GCN1: variants seen among roughly 807,000 people sequenced by gnomAD.
The protein encoded by GCN1 is GCN1 activator of EIF2AK4.
GCN1 carries 90 observed loss-of-function variants against 288.4 expected under a neutral mutation model. The ratio of observed to expected loss-of-function variants is 0.31; its 90% CI spans 0.26 to 0.37. GCN1 has a LOEUF of 0.37. Ranked by LOEUF, GCN1 falls within the 10% of genes least tolerant of loss-of-function variation. The pLI, the probability that GCN1 is intolerant of heterozygous loss-of-function variation, is 1.00. For synonymous variants in GCN1, 1,386 were observed against 1,420.2 expected, an observed-to-expected ratio of 0.98 and a Z score of 0.54; for missense variants, 2,586 against 3,419.9, an observed-to-expected ratio of 0.76 and a Z score of 6.08.
At chr12:120,159,753 CAG>C (rs1877867242) in intron 24 of GCN1, 70 bp downstream of exon 24, 11 of 1,355,398 alleles carry the variant, frequency 8.1e-6, no homozygotes, top group East Asian at 2.3e-5. Context: ...CACAAGCACT[CAG>C]GGGCACACCC....
rs765163484 is a variant in GCN1 at position 120,138,856 on chromosome 12, C to T, written c.5995G>A (p.Val1999Met). 6.8e-6 allele frequency: 11 copies of T among 1,606,518 alleles called. No individual in the cohort carries two copies. In the African/African-American group the frequency reaches 1.2e-4, roughly 18 times the overall value. ...ACGAGGGATTCAGAGAAATACAGCA[C>T]CTGCAATGGCAAGCTACAACTGTAC... ...EIMKSTSRDAVLYFSESLVPT... is the reference protein window; with the variant it reads ...EIMKSTSRDAMLYFSESLVPT... The change falls in exon 46 of 58, where the codon GTG becomes ATG. Residue 1999 changes from valine to methionine, a missense_variant and splice_region_variant. Around this residue, in one of 8 missense-constraint regions of GCN1, gnomAD observed 437 missense variants for 570.5 expected, o/e 0.77. Transcript: ENST00000300648.
In GCN1 at chr12:120,158,020, G is replaced by A. The variant is rs1877806707; in HGVS notation, c.2916C>T (p.Pro972=). 3 of 1,613,856 alleles carry A rather than the reference G, an allele frequency of 1.9e-6. No individual in the cohort carries two copies. The highest frequency in any genetic ancestry group is 2.5e-6 in the Non-Finnish European group (3 of 1,180,016). The change falls in exon 26 of 58, where the codon CCC becomes CCT. Residue 972 remains proline (P), a synonymous_variant. Transcript: ENST00000300648. This position sits in a 1 kb window ranked among gnomAD's most constrained non-coding sequence, Gnocchi z 4.3. ...CTAAGGAGAAGGCTGGCGCGGACAA[G>A]GGCGCAGCACCTGTGAGAGCGAGAA... ...RVGKGEPGAA[P]LSAPAFSLVF...
At chr12:120,194,068 G>A (rs1237420956) in intron 1 of GCN1, among the ~76,000 whole-genome samples, 2 of 152,214 alleles carry the variant, frequency 1.3e-5, no homozygotes, top group Non-Finnish European at 2.9e-5. Context: ...CACTAACCCT[G>A]GATCTGATAA....
chr12:120,142,565 G>C lies in GCN1; in HGVS notation c.5771C>G (p.Pro1924Arg). 3 of 1,614,004 alleles carry C rather than the reference G, an allele frequency of 1.9e-6. No individual in the cohort carries two copies. The highest frequency in any genetic ancestry group is 2.5e-6 in the Non-Finnish European group (3 of 1,180,016). Residue 1924 changes from proline (P) to arginine (R), a missense_variant, in exon 44 of 58, where the codon CCC (proline) becomes CGC (arginine). By Grantham distance (103) the Pro-to-Arg change is moderately radical (BLOSUM62 -2). Transcript: ENST00000300648. The surrounding 1 kb of genome is among the most constrained non-coding windows in gnomAD (Gnocchi z 4.9). ...NTPRTLREIL[P>R]TLFGLLLGFL... ...ACCCAGCAGGAGCCCAAAGAGAGTGGGTAGGATCTCACGCAAGGTGCGGGG... is the reference window on the plus strand; with the variant it reads ...ACCCAGCAGGAGCCCAAAGAGAGTGCGTAGGATCTCACGCAAGGTGCGGGG...
At chr12:120,140,628 A>G (rs1877157387) in intron 45 of GCN1, among the ~76,000 whole-genome samples, 2 of 152,204 alleles carry the variant, frequency 1.3e-5, no homozygotes, top group African/African-American at 4.8e-5. Context: ...AAGGCCACTC[A>G]AGGAGGCATC....
Position 120,151,426 on chromosome 12 carries a change from C to T in GCN1, c.4063-35G>A, listed in dbSNP as rs151196103. ...GGCCCACCTGTCAATGCTGTGGCTC[C>T]GCTGCAGCCGTTTCATGGTTGGTGG... On this transcript the variant is annotated intron_variant, in intron 33 of 57. Transcript: ENST00000300648. 2,107 of 1,607,558 alleles carry T rather than the reference C, an allele frequency of 1.3e-3. 4 individuals are homozygous for T. The highest frequency in any genetic ancestry group is 0.012 in the African/African-American group (895 of 74,954).
chr12:120,179,092 A>T, intron 5 of GCN1, 142 bp from the exon 6 acceptor site: 1 of 664,414 alleles, frequency 1.5e-6, no homozygotes, highest in Non-Finnish European at 2.6e-6. Context: ...AACTCCAGCC[A>T]GCTCCTCTTC....
At chr12:120,175,270 G>A in intron 11 of GCN1, 58 bp from the exon 12 acceptor site, 2 of 1,415,702 alleles carry the variant, frequency 1.4e-6, no homozygotes, top group Non-Finnish European at 2.0e-6. Flanking sequence ...CCAAGAGAGT[G>A]AACAATGCAG....
intron 11 of GCN1, among the ~76,000 whole-genome samples, chr12:120,175,483 T>G (rs1440943738): frequency 4.6e-5 from 7 of 152,258 alleles, no homozygotes. Context: ...ACATTTCTTT[T>G]CTGGTGTATT....
intron 21 of GCN1, 56 bp downstream of exon 21, chr12:120,161,824 C>T (rs913511431): frequency 6.5e-7 from 1 of 1,548,584 alleles, no homozygotes; most frequent in African/African-American, 1.4e-5. Flanking sequence ...ATTCTACACA[C>T]AAGAAAACTA....
intron 8 of GCN1, 43 bp downstream of exon 8, chr12:120,177,641 T>C (rs775745403): frequency 7.7e-6 from 12 of 1,564,368 alleles, no homozygotes; most frequent in Non-Finnish European, 1.1e-5. Context: ...GAATTGAAAA[T>C]GGGATCAGTT....
At chr12:120,160,840 C>A (rs897467535) in intron 22 of GCN1, among the ~76,000 whole-genome samples, 1 of 152,182 alleles carries the variant, frequency 6.6e-6, no homozygotes. Flanking sequence ...AACAAGTCAA[C>A]AAGCACATAA....
Position 120,134,608 on chromosome 12 carries a change from G to A in GCN1, c.7127C>T (p.Ser2376Phe), listed in dbSNP as rs1484100426. The A allele has an allele frequency of 1.2e-6, 2 of 1,614,154 alleles. No homozygotes were observed. Among genetic ancestry groups the A allele is most frequent in the East Asian group, 2.2e-5 (1 of 44,884 alleles). Reference sequence around the variant, plus strand: ...GAGGGGGTCCACCTTAATGTGGATGGAAATGAGCTTCCCCAGAGCATCTGC... The same window carrying A: ...GAGGGGGTCCACCTTAATGTGGATGAAAATGAGCTTCCCCAGAGCATCTGC... ...KAADALGKLI[S>F]IHIKVDPLFT... The change falls in exon 52 of 58, where the codon TCC becomes TTC. Residue 2376 changes from serine to phenylalanine, a missense_variant. Around this residue, in one of 8 missense-constraint regions of GCN1, gnomAD observed 355 missense variants for 431.1 expected, o/e 0.82. Coordinates refer to ENST00000300648, the MANE Select transcript of GCN1 (RefSeq NM_006836.2). The surrounding 1 kb of genome is among the most constrained non-coding windows in gnomAD (Gnocchi z 5.0).
chr12:120,157,708 A>G, intron 26 of GCN1, 141 bp downstream of exon 26: 1 of 691,510 alleles, frequency 1.4e-6, no homozygotes, highest in South Asian at 2.3e-5. Context: ...AAAACCCACA[A>G]CACTGTGTGA....
At chr12:120,132,054 C>A in intron 53 of GCN1, 32 bp from the exon 54 acceptor site, 1 of 1,358,118 alleles carries the variant, frequency 7.4e-7, no homozygotes, top group Non-Finnish European at 1.0e-6. Flanking sequence ...TGAGGGGGTG[C>A]AGGGAACAAC....
chr12:120,164,791 G>A, intron 16 of GCN1, 70 bp from the exon 17 acceptor site: 2 of 893,188 alleles, frequency 2.2e-6, no homozygotes, highest in East Asian at 2.6e-5. Context: ...CCAATACCCA[G>A]AAATAACTGG....
At chr12:120,152,576 C>A (rs1877598418) in intron 33 of GCN1, among the ~76,000 whole-genome samples, 1 of 126,078 alleles carries the variant, frequency 7.9e-6, no homozygotes. Context: ...CACGCCCAGC[C>A]CAACTGTTCA....
chr12:120,170,429 A>G lies in GCN1; in HGVS notation c.1367-108T>C. The G allele has an allele frequency of 3.1e-6, 3 of 957,460 alleles. No individual in the cohort carries two copies. In the South Asian group the frequency reaches 4.9e-5, roughly 15 times the overall value. The allele number at this position is 957,460 out of a possible 1,614,324, so 59.3% of individuals were successfully genotyped here. On this transcript the variant is annotated intron_variant, in intron 14 of 57. Transcript: ENST00000300648. The stretch of plus-strand genomic sequence containing the variant: ...GTGAACCAGACGACTAAAACCCTTC[A>G]GTTAATTTTTCAAATATCTCAAAAA...
chr12:120,134,136 G>T lies in GCN1; in HGVS notation c.7317+155C>A, dbSNP rs138639868. On this transcript the variant is annotated intron_variant, in intron 53 of 57. Transcript: ENST00000300648. The surrounding 1 kb of genome is among the most constrained non-coding windows in gnomAD (Gnocchi z 5.0). Reference sequence around the variant, plus strand: ...TGCCCCGTTTCCCTTGAAACCCGAGGAAATGTTGGTGAAGCATACAGGGTG... The same window carrying T: ...TGCCCCGTTTCCCTTGAAACCCGAGTAAATGTTGGTGAAGCATACAGGGTG... Among the ~76,000 whole-genome samples, 37 of 152,272 alleles carry T rather than the reference G, an allele frequency of 2.4e-4. 1 individual carries two copies. The East Asian group carries it at 6.9e-3, about 29-fold the overall frequency.
Sources: allele counts gnomAD v4.1 joint callset (sites outside exome capture counted in the v4.1 genomes callset), GRCh38; gene constraint gnomAD v4.1.1; regional missense constraint gnomAD v4.1.1; non-coding constraint Gnocchi (gnomAD v3.1); transcripts MANE v1.5; gene names NCBI Gene and HGNC (gene_info 2026-07-23, HGNC 2026-07-21).